GABRB2: variants seen among roughly 807,000 people sequenced by gnomAD.
GABRB2 encodes the protein gamma-aminobutyric acid type A receptor subunit beta2, also known as gamma-aminobutyric acid receptor subunit beta-2.
Under a neutral mutation model 54.7 loss-of-function variants are expected in GABRB2, and 16 were observed. That is an observed-to-expected ratio of 0.29 (90% confidence interval 0.20 to 0.44). The LOEUF (loss-of-function observed/expected upper bound fraction) is 0.44. Among genes scored for constraint, GABRB2 ranks in the 20% least tolerant of loss-of-function variants. The pLI, the probability that GABRB2 is intolerant of heterozygous loss-of-function variation, is 1.00. For synonymous variants in GABRB2, 244 were observed against 233.8 expected (o/e 1.04, Z -0.40); for missense variants, 355 against 644.0 (o/e 0.55, Z 4.86).
At chr5:161,388,948 A>C (rs1755732260) in intron 5 of GABRB2, among the ~76,000 whole-genome samples, 1 of 152,018 alleles carries the variant, frequency 6.6e-6, no homozygotes, top group African/African-American at 2.4e-5. Flanking sequence ...GTTAAAAATA[A>C]ATATAATTAG....
At chr5:161,309,088 C>T (rs543091897) in intron 9 of GABRB2, among the ~76,000 whole-genome samples, 3 of 151,526 alleles carry the variant, frequency 2.0e-5, no homozygotes, top group Non-Finnish European at 4.4e-5. Context: ...AATGAGAGAA[C>T]ATTTTTGCAA....
chr5:161,295,036 T>C (rs1332941021), intron 9 of GABRB2, among the ~76,000 whole-genome samples: 1 of 152,158 alleles, frequency 6.6e-6, no homozygotes, highest in Non-Finnish European at 1.5e-5. Context: ...AGAAATAGTG[T>C]TGAAGAATAA....
chr5:161,394,916 G>T (rs981252200), intron 5 of GABRB2, among the ~76,000 whole-genome samples: 1 of 151,992 alleles, frequency 6.6e-6, no homozygotes, highest in Non-Finnish European at 1.5e-5. Flanking sequence ...ATAAATAGGA[G>T]TTACAATCCA....
intron 9 of GABRB2, among the ~76,000 whole-genome samples, chr5:161,304,328 T>C (rs1472191964): frequency 6.6e-6 from 1 of 152,260 alleles, no homozygotes; most frequent in African/African-American, 2.4e-5. Context: ...CACTTCCATT[T>C]AATATAGAAT....
chr5:161,308,319 G>T (rs1028807242), intron 9 of GABRB2, among the ~76,000 whole-genome samples: 3 of 152,084 alleles, frequency 2.0e-5, no homozygotes, highest in African/African-American at 7.2e-5. Flanking sequence ...GCCAAAGATT[G>T]GTTCAGGAAT....
Position 161,367,249 on chromosome 5 carries a change from T to A in GABRB2, c.542-30480A>T, listed in dbSNP as rs951432341. 2.6e-5 allele frequency among the ~76,000 whole-genome samples: 4 copies of A among 152,238 alleles called. No homozygotes were observed. In the East Asian group the frequency reaches 7.7e-4, roughly 29 times the overall value. Reference sequence around the variant, plus strand: ...TTTTTAAAACTATTTCAAATTGTCATGAAGGAAATGTTCTGCATGTGATTT... The same window carrying A: ...TTTTTAAAACTATTTCAAATTGTCAAGAAGGAAATGTTCTGCATGTGATTT... On this transcript the variant is annotated intron_variant, in intron 5 of 9. Coordinates refer to ENST00000393959, the MANE Select transcript of GABRB2 (RefSeq NM_001371727.1).
upstream of GABRB2, among the ~76,000 whole-genome samples, chr5:161,547,507 C>G (rs1025995390): frequency 2.0e-5 from 3 of 151,910 alleles, no homozygotes; most frequent in Non-Finnish European, 4.4e-5. Flanking sequence ...AGAAGAAAAC[C>G]TCGGGGTCCT....
intron 5 of GABRB2, among the ~76,000 whole-genome samples, chr5:161,408,180 C>T (rs1222076876): frequency 1.3e-5 from 2 of 151,996 alleles, no homozygotes; most frequent in Admixed American, 1.3e-4. Flanking sequence ...AATTTGAGTG[C>T]TGGCGTGACA....
intron 4 of GABRB2, among the ~76,000 whole-genome samples, chr5:161,423,568 G>A (rs916860641): frequency 3.9e-5 from 6 of 152,198 alleles, no homozygotes; most frequent in Admixed American, 2.6e-4. Flanking sequence ...GGGGAGCCAC[G>A]AAGCATGTCC....
chr5:161,495,331 C>CA (rs1255867246), intron 3 of GABRB2, among the ~76,000 whole-genome samples: 9 of 151,370 alleles, frequency 5.9e-5, no homozygotes, highest in African/African-American at 1.9e-4. Context: ...CAATAATATA[C>CA]AAAAAATCAA....
At chr5:161,509,898 T>C (rs1384347318) in intron 3 of GABRB2, among the ~76,000 whole-genome samples, 1 of 152,010 alleles carries the variant, frequency 6.6e-6, no homozygotes, top group African/African-American at 2.4e-5. Context: ...AACATTAATC[T>C]ATAACTACTC....
intron 3 of GABRB2, among the ~76,000 whole-genome samples, chr5:161,462,545 T>C (rs1758144691): frequency 6.6e-6 from 1 of 152,062 alleles, no homozygotes; most frequent in African/African-American, 2.4e-5. Flanking sequence ...CTCTTGAGAG[T>C]TAGGAGAAAT....
chr5:161,303,830 C>T, intron 9 of GABRB2, among the ~76,000 whole-genome samples: 1 of 151,398 alleles, frequency 6.6e-6, no homozygotes, highest in East Asian at 1.9e-4. Context: ...ATGTTACTGT[C>T]TCTGGCCCTC....
chr5:161,325,347 T>C (rs935937395), intron 9 of GABRB2, among the ~76,000 whole-genome samples: 17 of 152,108 alleles, frequency 1.1e-4, no homozygotes, highest in African/African-American at 4.1e-4. Context: ...ATCTCTTCCA[T>C]AATTTAATTA....
chr5:161,330,599 C>A, intron 8 of GABRB2: 1 of 271,474 alleles, frequency 3.7e-6, no homozygotes. Flanking sequence ...TTAAAGAATG[C>A]ATAAATAATT....
chr5:161,423,689 G>T (rs1756917724), intron 4 of GABRB2, among the ~76,000 whole-genome samples: 1 of 151,966 alleles, frequency 6.6e-6, no homozygotes, highest in Non-Finnish European at 1.5e-5. Context: ...TTGAAATTAG[G>T]TCAATTAATA....
chr5:161,360,844 C>CA (rs1427164889), intron 5 of GABRB2, among the ~76,000 whole-genome samples: 2 of 150,826 alleles, frequency 1.3e-5, no homozygotes, highest in Non-Finnish European at 3.0e-5. Flanking sequence ...AAAACAAACC[C>CA]AAAACATAAC....
chr5:161,349,242 T>G (rs72813522), intron 5 of GABRB2, among the ~76,000 whole-genome samples: 57 of 152,014 alleles, frequency 3.7e-4, no homozygotes, highest in South Asian at 2.3e-3. Flanking sequence ...AAAAATTCCT[T>G]AAATAAACTT....
At chr5:161,420,986 T>C (rs1201244298) in intron 4 of GABRB2, among the ~76,000 whole-genome samples, 4 of 152,152 alleles carry the variant, frequency 2.6e-5, no homozygotes, top group Non-Finnish European at 4.4e-5. Context: ...TGTCAGCTCA[T>C]CATAACCCAC....
Sources: allele counts gnomAD v4.1 joint callset (sites outside exome capture counted in the v4.1 genomes callset), GRCh38; gene constraint gnomAD v4.1.1; transcripts MANE v1.5; gene names NCBI Gene and HGNC (gene_info 2026-07-23, HGNC 2026-07-21).